The following CDH13 variants were observed in gnomAD, a reference collection of about 807,000 sequenced individuals.
CDH13 encodes cadherin 13, also known as cadherin-13.
In CDH13, 24 loss-of-function variants were observed where a neutral mutation model predicts 63.8. The ratio of observed to expected loss-of-function variants is 0.38; its 90% CI spans 0.27 to 0.53. CDH13 has a LOEUF of 0.53. Ranked by LOEUF, CDH13 falls within the 20% of genes least tolerant of loss-of-function variation. The pLI is 0.85. For missense variants in CDH13, 1,049 were observed against 903.1 expected (o/e 1.16, Z -2.07); for synonymous variants, 503 against 355.3 (o/e 1.42, Z -4.67).
At chr16:83,060,830 T>C (rs79529453) in intron 3 of CDH13, among the ~76,000 whole-genome samples, 1,889 of 152,320 alleles carry the variant, frequency 0.012, 26 homozygotes, top group African/African-American at 0.038. Flanking sequence ...GCTGGGACAC[T>C]GTTGCCTTCC....
chr16:82,856,129 C>T (rs544630018), intron 1 of CDH13, among the ~76,000 whole-genome samples: 10 of 152,130 alleles, frequency 6.6e-5, no homozygotes, highest in South Asian at 6.2e-4. Flanking sequence ...GTAATCCCAG[C>T]ACTTTGGGAG....
At chr16:82,690,132 C>T (rs13338804) in intron 1 of CDH13, among the ~76,000 whole-genome samples, 22,735 of 139,082 alleles carry the variant, frequency 0.16, 2,085 homozygotes, top group East Asian at 0.38. Flanking sequence ...TGTGCTATTG[C>T]ACTCCAGCCT....
chr16:82,833,434 C>T (rs145869809), intron 1 of CDH13, among the ~76,000 whole-genome samples: 17 of 152,316 alleles, frequency 1.1e-4, no homozygotes, highest in Admixed American at 4.6e-4. Context: ...TGCTTGACTT[C>T]ACAGTCTAAA....
chr16:82,837,932 C>T (rs997284935), intron 1 of CDH13, among the ~76,000 whole-genome samples: 1 of 152,232 alleles, frequency 6.6e-6, no homozygotes, highest in African/African-American at 2.4e-5. Context: ...TTCAGGCAGG[C>T]CTTTCCAACA....
intron 2 of CDH13, among the ~76,000 whole-genome samples, chr16:83,021,272 C>T (rs1012091528): frequency 6.6e-6 from 1 of 152,182 alleles, no homozygotes; most frequent in African/African-American, 2.4e-5. Flanking sequence ...ATTCAACAAA[C>T]AGGGTTGAGT....
At chr16:83,471,861 A>G (rs910421389) in intron 6 of CDH13, among the ~76,000 whole-genome samples, 2 of 152,164 alleles carry the variant, frequency 1.3e-5, no homozygotes, top group African/African-American at 4.8e-5. Context: ...AGACCTTGGG[A>G]TATTGTTGAG....
intron 2 of CDH13, among the ~76,000 whole-genome samples, chr16:83,021,978 T>G (rs1597156638): frequency 1.3e-5 from 2 of 152,338 alleles, no homozygotes; most frequent in Non-Finnish European, 2.9e-5. Context: ...CTTGAGTGAC[T>G]AGAATGCTGG....
chr16:83,015,679 A>ATG (rs1187139417), intron 2 of CDH13, among the ~76,000 whole-genome samples: 987 of 48,360 alleles, frequency 0.02, 3 homozygotes, highest in African/African-American at 0.038. Flanking sequence ...GTGTGTATGT[A>ATG]TATATATATA....
intron 4 of CDH13, among the ~76,000 whole-genome samples, chr16:83,151,446 A>C (rs1288915238): frequency 1.3e-5 from 2 of 152,146 alleles, no homozygotes; most frequent in Non-Finnish European, 2.9e-5. Flanking sequence ...TGTGAAATGT[A>C]CCTATGGGAG....
chr16:83,475,965 G>A (rs1258331018), intron 6 of CDH13, among the ~76,000 whole-genome samples: 2 of 152,144 alleles, frequency 1.3e-5, no homozygotes, highest in Admixed American at 1.3e-4. Flanking sequence ...TAAGCCCATT[G>A]TTCAGAATTA....
chr16:83,221,996 A>G (rs893417454), intron 5 of CDH13, among the ~76,000 whole-genome samples: 23 of 152,146 alleles, frequency 1.5e-4, no homozygotes, highest in African/African-American at 5.3e-4. Flanking sequence ...TTTACTATTA[A>G]TGTTGGGGTG....
At chr16:82,825,269 C>T (rs2038188273) in intron 1 of CDH13, 1 of 152,158 alleles carries the variant, frequency 6.6e-6, no homozygotes, top group Non-Finnish European at 1.5e-5. Context: ...TTAGTCCTTC[C>T]AAAGCAGTAA....
intron 1 of CDH13, among the ~76,000 whole-genome samples, chr16:82,729,076 T>C (rs2033257677): frequency 6.6e-6 from 1 of 152,178 alleles, no homozygotes; most frequent in Admixed American, 6.5e-5. Flanking sequence ...ATAGTTGTCT[T>C]TCAGTTTCCA....
intron 13 of CDH13, among the ~76,000 whole-genome samples, chr16:83,791,628 T>C (rs893757595): frequency 6.6e-6 from 1 of 151,644 alleles, no homozygotes; most frequent in African/African-American, 2.4e-5. Context: ...CTGACCAACG[T>C]GGTGAAACCC....
At chr16:83,713,736 T>C (rs1250113122) in intron 10 of CDH13, among the ~76,000 whole-genome samples, 2 of 152,074 alleles carry the variant, frequency 1.3e-5, no homozygotes, top group African/African-American at 2.4e-5. Context: ...TGAGGGTTTG[T>C]GGGAAATATT....
chr16:82,836,611 G>A (rs2038778097), intron 1 of CDH13, among the ~76,000 whole-genome samples: 1 of 152,076 alleles, frequency 6.6e-6, no homozygotes, highest in Non-Finnish European at 1.5e-5. Flanking sequence ...GATAAGTTCT[G>A]GTATAATGGA....
chr16:83,004,490 C>CTGTTTTGTTT (rs757103686), intron 2 of CDH13, among the ~76,000 whole-genome samples: 1 of 151,996 alleles, frequency 6.6e-6, no homozygotes, highest in Non-Finnish European at 1.5e-5. Flanking sequence ...GCAAGGACCC[C>CTGTTTTGTTT]TGTTTTGTTT....
At chr16:83,702,182 C>T (rs1427909464) in intron 10 of CDH13, among the ~76,000 whole-genome samples, 2 of 152,166 alleles carry the variant, frequency 1.3e-5, no homozygotes, top group African/African-American at 2.4e-5. Context: ...ATTCCAGAGG[C>T]TTGGATACCC....
chr16:82,932,323 A>T (rs142713642), intron 2 of CDH13, among the ~76,000 whole-genome samples: 47 of 152,298 alleles, frequency 3.1e-4, no homozygotes, highest in African/African-American at 1.1e-3. Context: ...TTTGCTTTGA[A>T]ATCCTAACTC....
Sources: gnomAD v4.1 joint callset for allele counts (sites outside exome capture counted in the v4.1 genomes callset) on GRCh38, gnomAD v4.1.1 for gene constraint, MANE v1.5 for transcripts, NCBI Gene and HGNC (gene_info 2026-07-23, HGNC 2026-07-21) for gene names.